Variants in PCDHGB6 observed in about 807,000 individuals in gnomAD.
PCDHGB6 encodes protocadherin gamma-B6.
In PCDHGB6, 51 loss-of-function variants were observed where a neutral mutation model predicts 59.1. The observed-to-expected ratio is 0.86, with a 90% CI of 0.69 to 1.09. The LOEUF (loss-of-function observed/expected upper bound fraction) is 1.09. PCDHGB6 is among the 50% of genes least tolerant of loss of function. PCDHGB6 has a pLI of 0.00. For synonymous variants in PCDHGB6, 466 were observed against 495.1 expected (o/e 0.94, Z 0.78); for missense variants, 1,148 against 1,205.1 (o/e 0.95, Z 0.70).
In PCDHGB6 at chr5:141,491,463, C is replaced by CT. The variant is rs765984397; in HGVS notation, c.2419-3343dup. The CT allele has an allele frequency of 6.2e-7, 1 of 1,614,112 alleles. No homozygotes were observed. Among genetic ancestry groups the CT allele is most frequent in the Non-Finnish European group, 8.5e-7 (1 of 1,180,010 alleles). ...GCCAGGACTCACCCTCCCCGGACTT[C>CT]TATAAGCAGTCCAGCCCCAACCTGC... On this transcript the variant is annotated intron_variant, in intron 1 of 3. Coordinates refer to ENST00000520790, the MANE Select transcript of PCDHGB6 (RefSeq NM_018926.3). This position sits in a 1 kb window ranked among gnomAD's most constrained non-coding sequence, Gnocchi z 6.9.
Position 141,409,931 on chromosome 5 carries a change from A to G in PCDHGB6, c.1729A>G (p.Met577Val). The G allele has an allele frequency of 1.2e-6, 2 of 1,613,260 alleles. No homozygotes were observed. Among genetic ancestry groups the G allele is most frequent in the Non-Finnish European group, 1.7e-6 (2 of 1,179,766 alleles). Residue 577 changes from methionine (M) to valine (V), a missense_variant, in exon 1 of 4, where the codon ATG (methionine) becomes GTG (valine). This residue lies in a region of PCDHGB6 where 549 missense variants were observed against 527.5 expected (regional missense o/e 1.04). Transcript: ENST00000520790. ...TCCTGACGGCTCCGCGTTCTTCGATATGGTACCTCGCTCTGCAGAGCCCGG... is the reference window on the plus strand; with the variant it reads ...TCCTGACGGCTCCGCGTTCTTCGATGTGGTACCTCGCTCTGCAGAGCCCGG... ...LGPDGSAFFD[M>V]VPRSAEPGYL...
chr5:141,473,796 G>A (rs2099328996), intron 1 of PCDHGB6, among the ~76,000 whole-genome samples: 1 of 152,224 alleles, frequency 6.6e-6, no homozygotes, highest in African/African-American at 2.4e-5. Context: ...GCAGTATGAT[G>A]CTACTGAGGA....
At position 141,432,587 on chromosome 5, in the gene PCDHGB6, A is replaced by G. The variant is rs1344597432; in HGVS notation, c.2418+21967A>G. 5 of 1,613,132 alleles carry G rather than the reference A, an allele frequency of 3.1e-6. No homozygotes were observed. In the East Asian group the frequency reaches 8.9e-5, roughly 29 times the overall value. ...CGCCTGGCTGTCCTACCGTCTGCTC[A>G]AGGCCAGCGAGCCGGGACTCTTCTC... On this transcript the variant is annotated intron_variant, in intron 1 of 3. Transcript: ENST00000520790. This position sits in a 1 kb window ranked among gnomAD's most constrained non-coding sequence, Gnocchi z 6.0.
intron 2 of PCDHGB6, among the ~76,000 whole-genome samples, chr5:141,499,738 A>G (rs1284003023): frequency 2.4e-5 from 3 of 127,268 alleles, no homozygotes; most frequent in South Asian, 2.4e-4. Flanking sequence ...TCTCTTGCCC[A>G]GGCTGTGGCA....
intron 1 of PCDHGB6, chr5:141,418,120 G>A: frequency 6.2e-7 from 1 of 1,614,084 alleles, no homozygotes; most frequent in Non-Finnish European, 8.5e-7. Context: ...TACTTGTGAA[G>A]GACCGAATAG....
At chr5:141,413,980 A>C in intron 1 of PCDHGB6, 12 of 1,613,530 alleles carry the variant, frequency 7.4e-6, no homozygotes, top group Non-Finnish European at 1.0e-5. Flanking sequence ...GCTGACAGTC[A>C]CAGCCACCGA....
At position 141,431,387 on chromosome 5, in the gene PCDHGB6, C is replaced by T; in HGVS notation, c.2418+20767C>T. The T allele has an allele frequency of 1.9e-6, 3 of 1,613,938 alleles. 1 individual carries two copies. The South Asian group carries it at 3.3e-5, about 18-fold the overall frequency. Reference sequence around the variant, plus strand: ...CCGCGAAGAAAAGGCTGCTCACCACCTGGTCCTTACGGCCTCCGACGGGGG... The same window carrying T: ...CCGCGAAGAAAAGGCTGCTCACCACTTGGTCCTTACGGCCTCCGACGGGGG... On this transcript the variant is annotated intron_variant, in intron 1 of 3. Coordinates refer to ENST00000520790, the MANE Select transcript of PCDHGB6 (RefSeq NM_018926.3). This position sits in a 1 kb window ranked among gnomAD's most constrained non-coding sequence, Gnocchi z 4.8.
At chr5:141,419,024 G>A (rs1423033793) in intron 1 of PCDHGB6, 2 of 1,613,874 alleles carry the variant, frequency 1.2e-6, no homozygotes, top group Admixed American at 1.7e-5. Flanking sequence ...CTTAAGTAGA[G>A]GTGTTCCATT....
At position 141,431,595 on chromosome 5, in the gene PCDHGB6, A is replaced by G; in HGVS notation, c.2418+20975A>G. The G allele has an allele frequency of 6.2e-7, 1 of 1,614,218 alleles. No homozygotes were observed. The highest frequency in any genetic ancestry group is 8.5e-7 in the Non-Finnish European group (1 of 1,180,034). On this transcript the variant is annotated intron_variant, in intron 1 of 3. Transcript: ENST00000520790. The surrounding 1 kb of genome is among the most constrained non-coding windows in gnomAD (Gnocchi z 4.8). Reference sequence around the variant, plus strand: ...GAAGGAGTCAATGCGGAAGTGAGGTATTCCTTCCGGTATGTGGACGACAAG... The same window carrying G: ...GAAGGAGTCAATGCGGAAGTGAGGTGTTCCTTCCGGTATGTGGACGACAAG...
At chr5:141,502,724 C>T (rs1288841230) in intron 2 of PCDHGB6, among the ~76,000 whole-genome samples, 2 of 152,134 alleles carry the variant, frequency 1.3e-5, no homozygotes, top group African/African-American at 4.8e-5. Context: ...GATTACAAAG[C>T]GGTGATGTTC....
intron 1 of PCDHGB6, chr5:141,420,334 T>C: frequency 7.1e-7 from 1 of 1,402,910 alleles, no homozygotes; most frequent in Non-Finnish European, 9.5e-7. Flanking sequence ...TATATTCCAA[T>C]ATAGTGGTAT....
At position 141,494,852 on chromosome 5, in the gene PCDHGB6, C is replaced by T. The variant is rs755464933; in HGVS notation, c.2464C>T (p.Pro822Ser). ...TDWRFSQAQR[P>S]GTSGSQNGDD... is the part of the protein sequence containing the mutation. Reference sequence around the variant, plus strand: ...CTGGCGTTTCTCTCAGGCCCAGAGACCCGGCACCAGCGGGTAGGTGACTGA... The same window carrying T: ...CTGGCGTTTCTCTCAGGCCCAGAGATCCGGCACCAGCGGGTAGGTGACTGA... The change falls in exon 2 of 4, where the codon CCC (proline) becomes TCC (serine). Residue 822 changes from proline (P) to serine (S), a missense_variant. This residue lies in a region of PCDHGB6 where 283 missense variants were observed against 318.6 expected (regional missense o/e 0.89). Coordinates refer to ENST00000520790, the MANE Select transcript of PCDHGB6 (RefSeq NM_018926.3). 6 of 1,614,042 alleles carry T rather than the reference C, an allele frequency of 3.7e-6. No homozygotes were observed. Among genetic ancestry groups the T allele is most frequent in the Admixed American group, 1.7e-5 (1 of 60,000 alleles).
Position 141,490,798 on chromosome 5 carries a change from C to A in PCDHGB6, c.2419-4009C>A. 2 of 1,613,926 alleles carry A rather than the reference C, an allele frequency of 1.2e-6. No individual in the cohort carries two copies. Among genetic ancestry groups the A allele is most frequent in the South Asian group, 2.2e-5 (2 of 91,074 alleles). ...AGAGGATGGACGGATCTTTGCCCAG[C>A]GTACCTTTGACTATGAATTGCTGCA... On this transcript the variant is annotated intron_variant, in intron 1 of 3. Transcript: ENST00000520790. This position sits in a 1 kb window ranked among gnomAD's most constrained non-coding sequence, Gnocchi z 5.4.
chr5:141,472,529 G>C lies in PCDHGB6; in HGVS notation c.2419-22278G>C, dbSNP rs553065027. 9.3e-5 allele frequency among the ~76,000 whole-genome samples: 14 copies of C among 151,058 alleles called. No individual in the cohort carries two copies. In the East Asian group the frequency reaches 2.6e-3, roughly 28 times the overall value. ...CACTCCAGCCTGGGTGACAGAGTGA[G>C]ACACCATCTCAAGAAAAAAAAAATT... On this transcript the variant is annotated intron_variant, in intron 1 of 3. Transcript: ENST00000520790.
intron 1 of PCDHGB6, chr5:141,423,696 T>A: frequency 4.0e-6 from 6 of 1,492,822 alleles, no homozygotes; most frequent in Non-Finnish European, 5.3e-6. Flanking sequence ...ATTGTTGGTG[T>A]CTTGGCACAA....
chr5:141,410,544 G>T lies in PCDHGB6; in HGVS notation c.2342G>T (p.Cys781Phe). 6.2e-7 allele frequency: 1 copy of T among 1,613,640 alleles called. No individual in the cohort carries two copies. Among genetic ancestry groups the T allele is most frequent in the Non-Finnish European group, 8.5e-7 (1 of 1,179,894 alleles). ...VPLHSNEDMV[C>F]SVSPGALIPP... is the part of the protein sequence containing the mutation. ...CTACATTCCAATGAAGACATGGTTT[G>T]CAGTGTTTCTCCTGGAGCCTTAATT... Residue 781 changes from cysteine (C) to phenylalanine (F), a missense_variant, in exon 1 of 4, where the codon TGC becomes TTC. This residue lies in a region of PCDHGB6 where 283 missense variants were observed against 318.6 expected (regional missense o/e 0.89). Transcript: ENST00000520790.
chr5:141,459,171 A>G (rs2098962477), intron 1 of PCDHGB6, among the ~76,000 whole-genome samples: 1 of 152,180 alleles, frequency 6.6e-6, no homozygotes, highest in Non-Finnish European at 1.5e-5. Flanking sequence ...ATAACCTTCA[A>G]AAGTTCCCTC....
At chr5:141,416,210 A>G (rs1264276644) in intron 1 of PCDHGB6, 2 of 152,420 alleles carry the variant, frequency 1.3e-5, no homozygotes, top group African/African-American at 4.8e-5. Flanking sequence ...TATTTATAAC[A>G]ATGTATGCTT....
At chr5:141,461,430 A>G (rs1239117668) in intron 1 of PCDHGB6, among the ~76,000 whole-genome samples, 2 of 151,992 alleles carry the variant, frequency 1.3e-5, no homozygotes, top group African/African-American at 4.8e-5. Context: ...GGCCATTTGT[A>G]TACCTTCTTT....
Sources: allele counts gnomAD v4.1 joint callset (sites outside exome capture counted in the v4.1 genomes callset), GRCh38; gene constraint gnomAD v4.1.1; regional missense constraint gnomAD v4.1.1; non-coding constraint Gnocchi (gnomAD v3.1); transcripts MANE v1.5; gene names NCBI Gene and HGNC (gene_info 2026-07-23, HGNC 2026-07-21).